Variants in ST8SIA5 observed in about 807,000 individuals in gnomAD.
ST8SIA5 encodes alpha-2,8-sialyltransferase 8E.
ST8SIA5 carries 24 observed loss-of-function variants against 40.2 expected under a neutral mutation model. The observed-to-expected ratio is 0.60, with a 90% CI of 0.43 to 0.84. The LOEUF (loss-of-function observed/expected upper bound fraction) is 0.84. Among genes scored for constraint, ST8SIA5 ranks in the 40% least tolerant of loss-of-function variants. The probability of loss-of-function intolerance (pLI) is 0.00; values close to 1 mark genes in which losing one functional copy is unlikely to be tolerated. For missense variants in ST8SIA5, 465 were observed against 498.5 expected (o/e 0.93, Z 0.64); for synonymous variants, 198 against 201.8 (o/e 0.98, Z 0.16).
At chr18:46,739,906 C>T (rs778560882) in intron 1 of ST8SIA5, among the ~76,000 whole-genome samples, 2 of 152,128 alleles carry the variant, frequency 1.3e-5, no homozygotes, top group Non-Finnish European at 2.9e-5. Context: ...CAACTCTGGG[C>T]AAGTATGAAG....
intron 1 of ST8SIA5, among the ~76,000 whole-genome samples, chr18:46,740,241 GCTTCC>G (rs2040075048): frequency 6.6e-6 from 1 of 152,172 alleles, no homozygotes; most frequent in Non-Finnish European, 1.5e-5. Context: ...GGTGATTCAT[GCTTCC>G]CTTGTAATGG....
chr18:46,719,394 G>C (rs1181082118), intron 1 of ST8SIA5, among the ~76,000 whole-genome samples: 1 of 152,176 alleles, frequency 6.6e-6, no homozygotes, highest in Non-Finnish European at 1.5e-5. Context: ...AGGAGAGAGG[G>C]AGGCAATGGG....
chr18:46,712,109 A>G (rs1568264144), intron 1 of ST8SIA5, among the ~76,000 whole-genome samples: 1 of 152,074 alleles, frequency 6.6e-6, no homozygotes, highest in Non-Finnish European at 1.5e-5. Context: ...AGGGCCCCAG[A>G]TCCAGTGTTT....
intron 2 of ST8SIA5, among the ~76,000 whole-genome samples, chr18:46,704,016 A>T (rs2039644341): frequency 6.6e-6 from 1 of 152,186 alleles, no homozygotes; most frequent in African/African-American, 2.4e-5. Flanking sequence ...CTCCATACAT[A>T]GATTCTTATT....
At chr18:46,700,410 G>T (rs1476548358) in intron 2 of ST8SIA5, among the ~76,000 whole-genome samples, 1 of 152,190 alleles carries the variant, frequency 6.6e-6, no homozygotes, top group Non-Finnish European at 1.5e-5. Context: ...ACTGAGGGTT[G>T]GACCCTCTAT....
At chr18:46,731,099 C>T (rs367873112) in intron 1 of ST8SIA5, among the ~76,000 whole-genome samples, 4 of 152,174 alleles carry the variant, frequency 2.6e-5, no homozygotes, top group Admixed American at 6.5e-5. Flanking sequence ...GTTGTTTATC[C>T]GGAGAAGATG....
At chr18:46,685,948 T>A (rs576345073) in intron 5 of ST8SIA5, 1 of 574,492 alleles carries the variant, frequency 1.7e-6, no homozygotes, top group East Asian at 2.9e-5. Flanking sequence ...CCTTTGCTCT[T>A]AACACATCTC....
chr18:46,746,253 A>G (rs960309909), intron 1 of ST8SIA5, among the ~76,000 whole-genome samples: 1 of 152,218 alleles, frequency 6.6e-6, no homozygotes, highest in African/African-American at 2.4e-5. Flanking sequence ...AGGGTATTCA[A>G]TTAGGAAAAG....
At chr18:46,700,630 C>A (rs1212984212) in intron 2 of ST8SIA5, among the ~76,000 whole-genome samples, 1 of 152,174 alleles carries the variant, frequency 6.6e-6, no homozygotes, top group East Asian at 1.9e-4. Context: ...CTCAGACTCC[C>A]AGGGCTTGGG....
intron 1 of ST8SIA5, among the ~76,000 whole-genome samples, chr18:46,719,176 C>G (rs1470941793): frequency 2.0e-5 from 3 of 152,172 alleles, no homozygotes; most frequent in African/African-American, 7.2e-5. Flanking sequence ...AATGGGAGCG[C>G]TCCAGAAGGA....
intron 1 of ST8SIA5, among the ~76,000 whole-genome samples, chr18:46,714,683 G>A (rs181218201): frequency 2.6e-5 from 4 of 152,158 alleles, no homozygotes; most frequent in South Asian, 2.1e-4. Context: ...GACTGAGCAG[G>A]GGGGGAAGAG....
chr18:46,721,919 T>G (rs1599133568), intron 1 of ST8SIA5, among the ~76,000 whole-genome samples: 3 of 152,172 alleles, frequency 2.0e-5, no homozygotes, highest in African/African-American at 7.2e-5. Flanking sequence ...CACTTTTGGT[T>G]CAAGACGTGC....
At chr18:46,742,135 A>G (rs564547416) in intron 1 of ST8SIA5, among the ~76,000 whole-genome samples, 3 of 152,040 alleles carry the variant, frequency 2.0e-5, no homozygotes, top group Admixed American at 1.3e-4. Flanking sequence ...AATTTTCAAA[A>G]TAAGAAAAAA....
At chr18:46,725,222 A>G (rs1421211909) in intron 1 of ST8SIA5, among the ~76,000 whole-genome samples, 1 of 152,214 alleles carries the variant, frequency 6.6e-6, no homozygotes, top group Non-Finnish European at 1.5e-5. Context: ...TTTACCAAAC[A>G]GCCTAGAGGC....
chr18:46,691,912 A>G, intron 3 of ST8SIA5: 2 of 505,482 alleles, frequency 4.0e-6, no homozygotes, highest in Non-Finnish European at 7.3e-6. Flanking sequence ...TGTACTGGAG[A>G]TGGCACCACC....
intron 1 of ST8SIA5, among the ~76,000 whole-genome samples, chr18:46,742,829 A>T (rs1458120631): frequency 6.6e-6 from 1 of 152,306 alleles, no homozygotes; most frequent in South Asian, 2.1e-4. Context: ...CAGACACCTC[A>T]TACAGGCGGA....
intron 5 of ST8SIA5, among the ~76,000 whole-genome samples, chr18:46,683,117 T>C (rs997059196): frequency 9.9e-5 from 15 of 152,198 alleles, no homozygotes; most frequent in Admixed American, 9.2e-4. Flanking sequence ...CATCTACATA[T>C]GACAAAACAA....
intron 1 of ST8SIA5, among the ~76,000 whole-genome samples, chr18:46,710,978 C>T (rs778817827): frequency 6.6e-6 from 1 of 152,208 alleles, no homozygotes; most frequent in Non-Finnish European, 1.5e-5. Context: ...TGTTAAATCT[C>T]CACTAGCCCT....
Position 46,680,007 on chromosome 18 carries a change from G to C in ST8SIA5, c.*35C>G. ...CCACCAGGAGGGACAGCAGGAGAGG[G>C]GGCGCCGCTTGCCGGGCAGCCTGGC... On this transcript the variant is annotated 3_prime_UTR_variant, in exon 7 of 7. Coordinates refer to ENST00000315087, the MANE Select transcript of ST8SIA5 (RefSeq NM_013305.6). 2.5e-6 allele frequency: 4 copies of C among 1,569,366 alleles called. No homozygotes were observed. Among genetic ancestry groups the C allele is most frequent in the Non-Finnish European group, 3.5e-6 (4 of 1,156,750 alleles).
Sources: gnomAD v4.1 joint callset for allele counts (sites outside exome capture counted in the v4.1 genomes callset) on GRCh38, gnomAD v4.1.1 for gene constraint, MANE v1.5 for transcripts, NCBI Gene and HGNC (gene_info 2026-07-23, HGNC 2026-07-21) for gene names.